Variants in NBAS observed in about 807,000 individuals in gnomAD.
The protein encoded by NBAS is NAG/BC035112 fusion.
Under a neutral mutation model 302.5 loss-of-function variants are expected in NBAS, and 219 were observed. The ratio of observed to expected loss-of-function variants is 0.72; its 90% confidence interval spans 0.65 to 0.81. The LOEUF (loss-of-function observed/expected upper bound fraction) is 0.81. Among genes scored for constraint, NBAS ranks in the 30% least tolerant of loss-of-function variants. The pLI is 0.00. For synonymous variants in NBAS, 1,118 were observed against 1,021.6 expected, an observed-to-expected ratio of 1.09 and a Z score of -1.80; for missense variants, 2,932 against 2,841.6, an observed-to-expected ratio of 1.03 and a Z score of -0.72.
At chr2:15,462,211 G>A (rs373791888) in intron 19 of NBAS, among the ~76,000 whole-genome samples, 27 of 152,258 alleles carry the variant, frequency 1.8e-4, no homozygotes, top group East Asian at 1.2e-3. Context: ...AATATTAACC[G>A]AGTGCCACTC....
At chr2:15,048,124 T>C in the NBAS span, among the ~76,000 whole-genome samples, 1 of 152,150 alleles carries the variant, frequency 6.6e-6, no homozygotes, top group Non-Finnish European at 1.5e-5. Context: ...CCTGGAGCTA[T>C]AAAGCACCAA....
intron 38 of NBAS, among the ~76,000 whole-genome samples, chr2:15,310,419 C>T (rs1409208633): frequency 6.6e-6 from 1 of 152,312 alleles, no homozygotes; most frequent in South Asian, 2.1e-4. Flanking sequence ...AGGAATCATA[C>T]AGTTTTAGAG....
chr2:15,340,623 G>C (rs1028952671), intron 35 of NBAS, among the ~76,000 whole-genome samples: 4 of 152,086 alleles, frequency 2.6e-5, no homozygotes, highest in Non-Finnish European at 1.5e-5. Flanking sequence ...GCACAAAGTC[G>C]ATTATTTCAA....
chr2:15,066,649 A>G, the NBAS span, among the ~76,000 whole-genome samples: 1 of 152,238 alleles, frequency 6.6e-6, no homozygotes, highest in East Asian at 1.9e-4. Flanking sequence ...CAAAACCACA[A>G]TAAGAACCTC....
chr2:15,256,687 T>G (rs905699976), intron 44 of NBAS, among the ~76,000 whole-genome samples: 1 of 152,246 alleles, frequency 6.6e-6, no homozygotes, highest in Non-Finnish European at 1.5e-5. Context: ...ATGTTGGCTG[T>G]GGGTCTGTCA....
At chr2:14,944,190 C>T in the NBAS span, among the ~76,000 whole-genome samples, 5 of 152,246 alleles carry the variant, frequency 3.3e-5, no homozygotes, top group East Asian at 7.7e-4. Context: ...GTCCCAGCTA[C>T]GCGGGAGGCT....
intron 23 of NBAS, among the ~76,000 whole-genome samples, 175 bp downstream of exon 23, chr2:15,424,140 A>T (rs1053156028): frequency 6.6e-6 from 1 of 152,214 alleles, no homozygotes; most frequent in Non-Finnish European, 1.5e-5. Context: ...TCCAAAACAA[A>T]AGCCACAAAA....
the NBAS span, among the ~76,000 whole-genome samples, chr2:15,040,754 A>C: frequency 6.6e-6 from 1 of 152,138 alleles, no homozygotes. Context: ...TGGCCTTCAC[A>C]GGGGCTGCTC....
the NBAS span, among the ~76,000 whole-genome samples, chr2:15,007,467 T>C: frequency 6.6e-6 from 1 of 152,248 alleles, no homozygotes; most frequent in East Asian, 1.9e-4. Flanking sequence ...CTTATGCTGT[T>C]TATTTGAAGG....
intron 48 of NBAS, among the ~76,000 whole-genome samples, chr2:15,191,619 G>A (rs897464091): frequency 6.6e-6 from 1 of 152,134 alleles, no homozygotes; most frequent in South Asian, 2.1e-4. Context: ...CTTTACAGAT[G>A]AGGAAACAGG....
At chr2:15,446,406 C>T (rs377721957) in intron 21 of NBAS, among the ~76,000 whole-genome samples, 2 of 152,138 alleles carry the variant, frequency 1.3e-5, no homozygotes, top group South Asian at 2.1e-4. Flanking sequence ...GTAGCTCCAA[C>T]GAGGTACTAA....
the NBAS span, among the ~76,000 whole-genome samples, chr2:14,965,461 C>T: frequency 6.6e-6 from 1 of 152,138 alleles, no homozygotes; most frequent in Non-Finnish European, 1.5e-5. Context: ...CACGCACTAT[C>T]AAAGTTCACT....
intron 48 of NBAS, among the ~76,000 whole-genome samples, chr2:15,199,285 C>G (rs1343595924): frequency 1.3e-5 from 2 of 152,074 alleles, no homozygotes; most frequent in Non-Finnish European, 2.9e-5. Flanking sequence ...CAGAGGCTTA[C>G]TGAAGTTGTG....
chr2:15,002,939 G>A, the NBAS span, among the ~76,000 whole-genome samples: 2 of 152,372 alleles, frequency 1.3e-5, no homozygotes, highest in Admixed American at 1.3e-4. Flanking sequence ...CCTGCAAGCT[G>A]AGGGAGCCGG....
At chr2:14,989,293 A>ATGTGTGTG in the NBAS span, among the ~76,000 whole-genome samples, 1,049 of 148,100 alleles carry the variant, frequency 7.1e-3, 16 homozygotes, top group African/African-American at 0.022. Flanking sequence ...ATGTATGTGT[A>ATGTGTGTG]TGTGTGTGTG....
chr2:15,536,699 T>C, intron 7 of NBAS, 148 bp from the exon 8 acceptor site: 2 of 794,494 alleles, frequency 2.5e-6, no homozygotes, highest in East Asian at 2.6e-5. Flanking sequence ...TCAAGAATCA[T>C]GCAAGTCAGA....
chr2:15,401,348 G>A (rs954828711), intron 26 of NBAS, among the ~76,000 whole-genome samples: 4 of 151,370 alleles, frequency 2.6e-5, no homozygotes, highest in African/African-American at 9.7e-5. Context: ...ATAAAAAGAA[G>A]AAATAAAAAT....
intron 51 of NBAS, among the ~76,000 whole-genome samples, chr2:15,177,451 G>C (rs1444111725): frequency 6.6e-6 from 1 of 152,108 alleles, no homozygotes; most frequent in Non-Finnish European, 1.5e-5. Flanking sequence ...AGATGCATTT[G>C]AGATAAAGAA....
chr2:15,179,912 G>A (rs1664742082), intron 50 of NBAS: 1 of 152,212 alleles, frequency 6.6e-6, no homozygotes, highest in Non-Finnish European at 1.5e-5. Flanking sequence ...AATCTGTTTT[G>A]CCCTGCTGAG....
Sources: allele counts gnomAD v4.1 joint callset (sites outside exome capture counted in the v4.1 genomes callset), GRCh38; gene constraint gnomAD v4.1.1; transcripts MANE v1.5; gene names NCBI Gene and HGNC (gene_info 2026-07-23, HGNC 2026-07-21).